Variants in DPP10 observed in about 807,000 individuals in gnomAD.
DPP10 encodes the protein inactive dipeptidyl peptidase 10.
In DPP10, 33 loss-of-function variants were observed where a neutral mutation model predicts 120.9. That is an observed-to-expected ratio of 0.27 (90% CI 0.21 to 0.37). The LOEUF is 0.37. Among genes scored for constraint, DPP10 ranks in the 10% least tolerant of loss-of-function variants. The pLI, the probability that DPP10 is intolerant of heterozygous loss-of-function variation, is 1.00. For missense variants in DPP10, 816 were observed against 942.8 expected, an observed-to-expected ratio of 0.87 and a Z score of 1.76; for synonymous variants, 337 against 326.1, an observed-to-expected ratio of 1.03 and a Z score of -0.36.
chr2:115,512,974 T>G (rs1575062920), intron 4 of DPP10, among the ~76,000 whole-genome samples: 1 of 152,230 alleles, frequency 6.6e-6, no homozygotes, highest in South Asian at 2.1e-4. Context: ...GAAATCAAGG[T>G]TTTGAAGTCT....
rs531185062 is a variant in DPP10 at position 114,644,040 on chromosome 2, T to C, written c.60+201202T>C. On this transcript the variant is annotated intron_variant, in intron 1 of 25. Coordinates refer to ENST00000410059, the MANE Select transcript of DPP10 (RefSeq NM_020868.6). ...ACCTCCACCTCCCAGGTTCCAGCGA[T>C]TCTCCTGCCTCAGCCTCCCAAGTAG... 2.3e-3 allele frequency among the ~76,000 whole-genome samples: 343 copies of C among 149,752 alleles called. 8 individuals are homozygous for C. The highest frequency in any genetic ancestry group is 8.0e-3 in the African/African-American group (321 of 40,370).
At chr2:114,691,099 A>G (rs1699714867) in intron 1 of DPP10, among the ~76,000 whole-genome samples, 2 of 151,994 alleles carry the variant, frequency 1.3e-5, no homozygotes, top group Non-Finnish European at 2.9e-5. Flanking sequence ...AACCAATACC[A>G]TGTTGAATAA....
chr2:114,994,625 C>T (rs962773938), intron 1 of DPP10, among the ~76,000 whole-genome samples: 1 of 152,158 alleles, frequency 6.6e-6, no homozygotes, highest in African/African-American at 2.4e-5. Context: ...AGACCTTGTC[C>T]CTGACACCTA....
chr2:114,591,927 A>G (rs11682435), intron 1 of DPP10, among the ~76,000 whole-genome samples: 22,535 of 152,042 alleles, frequency 0.15, 2,045 homozygotes, highest in African/African-American at 0.26. Context: ...ACAGTTACAA[A>G]TTTAGGAAGA....
chr2:115,766,221 C>T (rs1680690615), intron 12 of DPP10, among the ~76,000 whole-genome samples: 1 of 149,410 alleles, frequency 6.7e-6, no homozygotes, highest in East Asian at 2.0e-4. Context: ...CACGGTAGGT[C>T]GCAACTCATA....
At chr2:114,746,591 G>C (rs1247417376) in intron 1 of DPP10, among the ~76,000 whole-genome samples, 2 of 152,168 alleles carry the variant, frequency 1.3e-5, no homozygotes. Context: ...TGATGTCTCT[G>C]GAGCCTAGGG....
At chr2:114,740,750 A>C (rs1677967178) in intron 1 of DPP10, among the ~76,000 whole-genome samples, 1 of 152,156 alleles carries the variant, frequency 6.6e-6, no homozygotes, top group Non-Finnish European at 1.5e-5. Flanking sequence ...TGAAGGTCTG[A>C]TGTTGGAGGC....
chr2:114,775,830 C>T (rs903480034), intron 1 of DPP10, among the ~76,000 whole-genome samples: 12 of 152,264 alleles, frequency 7.9e-5, no homozygotes, highest in African/African-American at 2.9e-4. Flanking sequence ...TCCAATGAAT[C>T]ATGTACTGTT....
At chr2:115,077,530 A>C (rs1023660505) in intron 1 of DPP10, among the ~76,000 whole-genome samples, 1 of 152,240 alleles carries the variant, frequency 6.6e-6, no homozygotes, top group Non-Finnish European at 1.5e-5. Flanking sequence ...TTCTAGAATT[A>C]AAAGGAATAC....
chr2:115,118,791 G>GTGTA (rs1373091742), intron 1 of DPP10, among the ~76,000 whole-genome samples: 6 of 133,516 alleles, frequency 4.5e-5, no homozygotes, highest in African/African-American at 1.7e-4. Flanking sequence ...GTGTGTGTGT[G>GTGTA]TTTAGTAGAG....
At chr2:115,448,089 A>G (rs971547821) in intron 3 of DPP10, among the ~76,000 whole-genome samples, 1 of 152,204 alleles carries the variant, frequency 6.6e-6, no homozygotes, top group Non-Finnish European at 1.5e-5. Flanking sequence ...GTGGGGAACA[A>G]TGAGAACAGG....
In DPP10 at chr2:115,722,453, G is replaced by A. The variant is rs564522662; in HGVS notation, c.577-5363G>A. Among the ~76,000 whole-genome samples the A allele has an allele frequency of 1.1e-3, 161 of 151,798 alleles. 1 individual carries two copies. The highest frequency in any genetic ancestry group is 3.5e-3 in the African/African-American group (145 of 41,382). On this transcript the variant is annotated intron_variant, in intron 7 of 25. Transcript: ENST00000410059. ...TTGATGGGGATATGTTCTGAGAAAC[G>A]TGTCGTTACGCAATTTTGTCGTTGT...
chr2:115,746,962 G>T (rs908106482), intron 10 of DPP10, among the ~76,000 whole-genome samples: 3 of 152,260 alleles, frequency 2.0e-5, no homozygotes, highest in African/African-American at 4.8e-5. Context: ...AGGGTGATTG[G>T]TTCCCACAGA....
At position 115,747,835 on chromosome 2, in the gene DPP10, C is replaced by T. The variant is rs188024663; in HGVS notation, c.950+1652C>T. Among the ~76,000 whole-genome samples the T allele has an allele frequency of 1.6e-3, 236 of 152,200 alleles. 2 individuals are homozygous for T. Among genetic ancestry groups the T allele is most frequent in the South Asian group, 0.01 (50 of 4,824 alleles). On this transcript the variant is annotated intron_variant, in intron 10 of 25. Coordinates refer to ENST00000410059, the MANE Select transcript of DPP10 (RefSeq NM_020868.6). ...GTCTCAATCTCTTGACCTCGTGATC[C>T]GCCCGCCTTGGCCTCCCAAAATGCC...
chr2:115,380,785 A>T (rs947567637), intron 3 of DPP10, among the ~76,000 whole-genome samples: 5 of 152,098 alleles, frequency 3.3e-5, no homozygotes, highest in Admixed American at 3.3e-4. Flanking sequence ...TTGTCCGCAA[A>T]GTATTTTATT....
intron 5 of DPP10, among the ~76,000 whole-genome samples, chr2:115,628,149 C>T (rs1233935441): frequency 1.3e-5 from 2 of 152,120 alleles, no homozygotes; most frequent in African/African-American, 2.4e-5. Context: ...AGTGTAAAAG[C>T]ATTCCTATCT....
At chr2:114,811,111 A>G (rs1403174923) in intron 1 of DPP10, among the ~76,000 whole-genome samples, 1 of 152,170 alleles carries the variant, frequency 6.6e-6, no homozygotes, top group African/African-American at 2.4e-5. Flanking sequence ...GCCTGGAGTA[A>G]ACTTTCACAG....
At chr2:114,455,496 G>C (rs560097708) in intron 1 of DPP10, among the ~76,000 whole-genome samples, 1 of 150,228 alleles carries the variant, frequency 6.7e-6, no homozygotes, top group South Asian at 2.1e-4. Context: ...AGTGAGCAGA[G>C]ATCATGCCAC....
chr2:114,828,402 A>G (rs1357567011), intron 1 of DPP10: 2 of 152,244 alleles, frequency 1.3e-5, no homozygotes, highest in Non-Finnish European at 2.9e-5. Flanking sequence ...ACATAGATGC[A>G]TTAATATATA....
Sources: allele counts gnomAD v4.1 joint callset (sites outside exome capture counted in the v4.1 genomes callset), GRCh38; gene constraint gnomAD v4.1.1; transcripts MANE v1.5; gene names NCBI Gene and HGNC (gene_info 2026-07-23, HGNC 2026-07-21).